Variants in CMPK2 observed in about 807,000 individuals in gnomAD.
CMPK2 encodes the protein UMP-CMP kinase 2, mitochondrial.
CMPK2 carries 32 observed loss-of-function variants against 33.4 expected under a neutral mutation model. The ratio of observed to expected loss-of-function variants is 0.96; its 90% CI spans 0.72 to 1.29. The LOEUF (loss-of-function observed/expected upper bound fraction) is 1.29, where lower values mean the gene tolerates loss of function less well. CMPK2 is among the 50% of genes most tolerant of loss of function. CMPK2 has a pLI of 0.00. For synonymous variants in CMPK2, 299 were observed against 275.3 expected (o/e 1.09, Z -0.85); for missense variants, 672 against 616.0 (o/e 1.09, Z -0.96).
At chr2:6,850,091 C>A in intron 4 of CMPK2, 118 bp from the exon 5 acceptor site, 1 of 703,172 alleles carries the variant, frequency 1.4e-6, no homozygotes, top group East Asian at 2.7e-5. Flanking sequence ...TCATTTATCT[C>A]ACTGTAACTA....
rs1031009973 is a variant in CMPK2 at position 6,865,528 on chromosome 2, C to T, written c.169G>A (p.Ala57Thr). 49 of 1,293,322 alleles carry T rather than the reference C, an allele frequency of 3.8e-5. No individual in the cohort carries two copies. The highest frequency in any genetic ancestry group is 4.5e-5 in the Non-Finnish European group (46 of 1,025,506). The allele number at this position is 1,293,322 out of a possible 1,614,324, so 80.1% of individuals were successfully genotyped here. ...AGCGCCGCCAGGCGGGGGTCGGGGG[C>T]GTCTGCGTCGCCGGGGGCGTCGGCG... Reference protein sequence around the residue: ...LGADAPGDADAPDPRLAALLG... With the variant: ...LGADAPGDADTPDPRLAALLG... Residue 57 changes from alanine to threonine, a missense_variant, in exon 1 of 5, where the codon GCC becomes ACC. Physicochemically the swap from Ala to Thr is moderately conservative, Grantham distance 58. Coordinates refer to ENST00000256722, the MANE Select transcript of CMPK2 (RefSeq NM_207315.4).
At chr2:6,851,038 T>G in intron 4 of CMPK2, 4 of 1,032,006 alleles carry the variant, frequency 3.9e-6, no homozygotes, top group Non-Finnish European at 4.7e-6. Flanking sequence ...GCTAATGTTT[T>G]CCTCACAAGG....
At chr2:6,857,639 C>CT (rs59168059) in intron 3 of CMPK2, among the ~76,000 whole-genome samples, 123,898 of 131,718 alleles carry the variant, frequency 0.94, 58,656 homozygotes, top group South Asian at 0.99. Context: ...CTTTTCTTTT[C>CT]TTTTTTTTTT....
At chr2:6,857,009 T>C (rs528158070) in intron 3 of CMPK2, among the ~76,000 whole-genome samples, 101 of 152,370 alleles carry the variant, frequency 6.6e-4, no homozygotes, top group African/African-American at 2.4e-3. Flanking sequence ...ATCTTCCACT[T>C]TGCTACATCT....
chr2:6,841,446 T>G (rs778122046), intron 3 of CMPK2, among the ~76,000 whole-genome samples: 1 of 152,224 alleles, frequency 6.6e-6, no homozygotes, highest in Non-Finnish European at 1.5e-5. Flanking sequence ...TTGACTGTTT[T>G]TGGTAGATAT....
intron 3 of CMPK2, among the ~76,000 whole-genome samples, chr2:6,858,924 T>C (rs1417269532): frequency 6.6e-6 from 1 of 152,016 alleles, no homozygotes; most frequent in Non-Finnish European, 1.5e-5. Flanking sequence ...GACAGGAAAA[T>C]GTGGGAAAGG....
Position 6,865,725 on chromosome 2 carries a change from C to A in CMPK2, c.-29G>T, listed in dbSNP as rs1008136832. The A allele has an allele frequency of 1.1e-4, 135 of 1,282,476 alleles. 2 individuals carry two copies. In the East Asian group the frequency reaches 1.5e-3, roughly 14 times the overall value. 79.4% of individuals were successfully genotyped at this position (1,282,476 alleles called of 1,614,324 possible). A position where few individuals can be genotyped will look rare whatever the true frequency, so the allele number is the denominator to read the frequency against. ...CGCCTCAGCGACGCCGCCCTCGGCC[C>A]CGCCTCGGAAACGAAACCTGGCGGG... On this transcript the variant is annotated 5_prime_UTR_variant, in exon 1 of 5. Transcript: ENST00000256722.
downstream of CMPK2, among the ~76,000 whole-genome samples, chr2:6,847,640 A>G (rs1279910970): frequency 2.0e-5 from 3 of 152,060 alleles, no homozygotes; most frequent in African/African-American, 7.2e-5. Context: ...CTTGCTATTT[A>G]CCTAAGGCAA....
chr2:6,861,326 G>A lies in CMPK2; in HGVS notation c.850C>T (p.Pro284Ser). The A allele has an allele frequency of 6.2e-7, 1 of 1,614,110 alleles. No homozygotes were observed. Among genetic ancestry groups the A allele is most frequent in the Non-Finnish European group, 8.5e-7 (1 of 1,180,008 alleles). Residue 284 changes from proline (P) to serine (S), a missense_variant, in exon 3 of 5, where the codon CCA (proline) becomes TCA (serine). Physicochemically the swap from Pro to Ser is moderately conservative, Grantham distance 74. Transcript: ENST00000256722. ...CTCCACTGGCCAATGCAAGAGGGTGGTGACTTTAAGAGGACAGCCTTAAGT... is the reference window on the plus strand; with the variant it reads ...CTCCACTGGCCAATGCAAGAGGGTGATGACTTTAAGAGGACAGCCTTAAGT... ...DSLKAVLLKS[P>S]PSCIGQWRKI...
Position 6,865,673 on chromosome 2 carries a change from C to T in CMPK2, c.24G>A (p.Leu8=). Residue 8 remains leucine, a synonymous_variant, in exon 1 of 5, where the codon CTG becomes CTA. Transcript: ENST00000256722. The part of the protein sequence containing the change: MAFARRL[L]RGPLSGPLLG... ...GCAGCGGCCCCGACAGTGGCCCGCG[C>T]AGGAGCCGGCGGGCGAAGGCCATGG... 7.7e-7 allele frequency: 1 copy of T among 1,305,976 alleles called. No individual in the cohort carries two copies. Among genetic ancestry groups the T allele is most frequent in the Non-Finnish European group, 9.7e-7 (1 of 1,035,230 alleles). 80.9% of individuals were successfully genotyped at this position (1,305,976 alleles called of 1,614,324 possible).
chr2:6,855,738 C>T (rs1662665688), intron 3 of CMPK2, among the ~76,000 whole-genome samples: 1 of 152,216 alleles, frequency 6.6e-6, no homozygotes, highest in Non-Finnish European at 1.5e-5. Flanking sequence ...AGGGCCATCA[C>T]AGCCTAGACT....
Position 6,865,287 on chromosome 2 carries a change from A to T in CMPK2, c.410T>A (p.Leu137Gln). 6.5e-7 allele frequency: 1 copy of T among 1,530,950 alleles called. No homozygotes were observed. Among genetic ancestry groups the T allele is most frequent in the Non-Finnish European group, 8.7e-7 (1 of 1,147,136 alleles). The allele number at this position is 1,530,950 out of a possible 1,614,324, so 94.8% of individuals were successfully genotyped here. Residue 137 changes from leucine (L) to glutamine (Q), a missense_variant, in exon 1 of 5, where the codon CTG becomes CAG. Leu to Gln is a moderately radical substitution (Grantham distance 113). Coordinates refer to ENST00000256722, the MANE Select transcript of CMPK2 (RefSeq NM_207315.4). ...AQQGFLLRDP[L>Q]DDPDTRQALL... ...CGCTTGCCGGGTGTCAGGGTCATCC[A>T]GGGGGTCGCGCAGCAGGAAGCCTTG... is the stretch of plus-strand genomic sequence containing the variant.
intron 1 of CMPK2, among the ~76,000 whole-genome samples, chr2:6,864,736 C>A (rs1007803067): frequency 6.6e-6 from 1 of 152,178 alleles, no homozygotes; most frequent in East Asian, 1.9e-4. Flanking sequence ...CCCTCACTCC[C>A]GGCAGCCCCT....
intron 4 of CMPK2, chr2:6,850,657 C>A (rs1415229726): frequency 4.0e-6 from 3 of 755,750 alleles, no homozygotes; most frequent in Non-Finnish European, 3.2e-6. Context: ...ACCTTCCTTG[C>A]AAATGTTCAC....
Position 6,865,493 on chromosome 2 carries a change from G to T in CMPK2, c.204C>A (p.Pro68=), listed in dbSNP as rs977147165. The change falls in exon 1 of 5, where the codon CCC becomes CCA. Residue 68 remains proline (P), a synonymous_variant. Coordinates refer to ENST00000256722, the MANE Select transcript of CMPK2 (RefSeq NM_207315.4). The part of the protein sequence containing the change: ...PDPRLAALLG[P]PERSYSLCVP... ...CGCACAGCGAGTAGCTGCGCTCCGG[G>T]GGCCCCAGCAGCGCCGCCAGGCGGG... 9 of 1,268,310 alleles carry T rather than the reference G, an allele frequency of 7.1e-6. No homozygotes were observed. The African/African-American group carries it at 1.4e-4, about 20-fold the overall frequency. The allele number at this position is 1,268,310 out of a possible 1,614,324, so 78.6% of individuals were successfully genotyped here.
chr2:6,863,967 C>T (rs1662967878), intron 1 of CMPK2, among the ~76,000 whole-genome samples: 1 of 152,238 alleles, frequency 6.6e-6, no homozygotes, highest in South Asian at 2.1e-4. Context: ...GAGCAGTCTT[C>T]ATCTGCAGCA....
upstream of CMPK2, chr2:6,865,986 TC>T (rs1221157175): frequency 9.8e-6 from 8 of 812,844 alleles, no homozygotes; most frequent in Non-Finnish European, 1.2e-5. Flanking sequence ...GCCTGCGCGG[TC>T]CCCAGGCGCC....
At chr2:6,843,633 C>T (rs1019907765), downstream of CMPK2, among the ~76,000 whole-genome samples, 3 of 152,140 alleles carry the variant, frequency 2.0e-5, no homozygotes, top group Non-Finnish European at 4.4e-5. Context: ...AGAATCTGTC[C>T]TGGAACCGTA....
intron 3 of CMPK2, among the ~76,000 whole-genome samples, chr2:6,853,861 C>T (rs1572136795): frequency 1.3e-5 from 2 of 151,922 alleles, no homozygotes; most frequent in African/African-American, 4.8e-5. Context: ...GAGATCGCGC[C>T]ACTGCACTCC....
Sources: gnomAD v4.1 joint callset for allele counts (sites outside exome capture counted in the v4.1 genomes callset) on GRCh38, gnomAD v4.1.1 for gene constraint, MANE v1.5 for transcripts, NCBI Gene and HGNC (gene_info 2026-07-23, HGNC 2026-07-21) for gene names.